Variants in CCN4 observed in about 807,000 individuals in gnomAD.
CCN4 encodes the protein CCN family member 4.
Under a neutral mutation model 36.7 loss-of-function variants are expected in CCN4, and 30 were observed. The observed-to-expected ratio is 0.82, with a 90% CI of 0.61 to 1.11. CCN4 has a LOEUF of 1.11. Ranked by LOEUF, CCN4 falls within the 50% of genes least tolerant of loss-of-function variation. CCN4 has a pLI of 0.00. For missense variants in CCN4, 505 were observed against 504.9 expected, an observed-to-expected ratio of 1.00 and a Z score of 0.00; for synonymous variants, 191 against 195.4, an observed-to-expected ratio of 0.98 and a Z score of 0.19.
At chr8:133,211,702 G>C (rs531713822) in intron 1 of CCN4, among the ~76,000 whole-genome samples, 1 of 152,290 alleles carries the variant, frequency 6.6e-6, no homozygotes, top group Non-Finnish European at 1.5e-5. Flanking sequence ...CAGAAGCCCT[G>C]GATTCTCCTC....
chr8:133,208,765 C>A (rs1257718334), intron 1 of CCN4, among the ~76,000 whole-genome samples: 1 of 152,138 alleles, frequency 6.6e-6, no homozygotes, highest in African/African-American at 2.4e-5. Flanking sequence ...CCCTCTTCAG[C>A]CCCAGCACAC....
rs1225041945 is a variant in CCN4 at position 133,220,594 on chromosome 8, G to A, written c.363G>A (p.Val121=). The change falls in exon 3 of 5, where the codon GTG becomes GTA. Residue 121 remains valine, a synonymous_variant. Transcript: ENST00000250160. The part of the protein sequence containing the change: ...AIGVCAQVVG[V]GCVLDGVRYN... ...CTGTGTTTGCAGAGGTGGTCGGTGT[G>A]GGCTGCGTCCTGGATGGGGTGCGCT... is the stretch of plus-strand genomic sequence containing the variant. The A allele has an allele frequency of 6.2e-7, 1 of 1,613,550 alleles. No individual in the cohort carries two copies. Among genetic ancestry groups the A allele is most frequent in the East Asian group, 2.2e-5 (1 of 44,862 alleles).
intron 1 of CCN4, among the ~76,000 whole-genome samples, chr8:133,207,862 C>T (rs543288509): frequency 3.5e-4 from 53 of 152,182 alleles, no homozygotes; most frequent in Non-Finnish European, 6.6e-4. Context: ...ACCCTATCAA[C>T]AGATGCTTAT....
At chr8:133,225,785 G>T (rs1206447044) in intron 4 of CCN4, among the ~76,000 whole-genome samples, 2 of 152,122 alleles carry the variant, frequency 1.3e-5, no homozygotes, top group Non-Finnish European at 2.9e-5. Flanking sequence ...GGAAGCTTTG[G>T]TAGGTATCAT....
chr8:133,210,386 G>GT (rs1853965663), intron 1 of CCN4, among the ~76,000 whole-genome samples: 1 of 145,588 alleles, frequency 6.9e-6, no homozygotes, highest in African/African-American at 2.6e-5. Flanking sequence ...CAAAAAGAGG[G>GT]GTGTGTGTGT....
chr8:133,197,747 T>C (rs1853440487), intron 1 of CCN4, among the ~76,000 whole-genome samples: 1 of 151,870 alleles, frequency 6.6e-6, no homozygotes, highest in Non-Finnish European at 1.5e-5. Context: ...TAAGTCTTGA[T>C]TAGGGGTAGG....
At chr8:133,220,962 C>A in intron 3 of CCN4, 121 bp downstream of exon 3, 1 of 1,347,696 alleles carries the variant, frequency 7.4e-7, no homozygotes, top group South Asian at 1.5e-5. Context: ...GCTTTGTGAC[C>A]TTGAGAAAGT....
At chr8:133,222,356 A>G (rs115861463) in intron 3 of CCN4, among the ~76,000 whole-genome samples, 1 of 152,302 alleles carries the variant, frequency 6.6e-6, no homozygotes, top group African/African-American at 2.4e-5. Context: ...ATCAAATACA[A>G]GAGAAGGAGC....
At chr8:133,214,425 G>GC (rs1854238756) in intron 2 of CCN4, among the ~76,000 whole-genome samples, 2 of 272 alleles carry the variant, frequency 7.4e-3, no homozygotes, top group South Asian at 0.2. Flanking sequence ...TCCTTATGAT[G>GC]CTTTTGTTTT....
intron 2 of CCN4, 48 bp downstream of exon 2, chr8:133,213,191 C>T (rs13258091): frequency 1.9e-6 from 3 of 1,560,734 alleles, no homozygotes; most frequent in Non-Finnish European, 1.7e-6. Context: ...GCACCCCCAG[C>T]TCTGGCCCCA....
In CCN4 at chr8:133,213,249, C is replaced by A. The variant is rs139620659; in HGVS notation, c.349+106C>A. ...CACAGCCTTTCACCTGGCCAGGCTTCCGTTCAGCAGGAGATACACCCCATG... is the reference window on the plus strand; with the variant it reads ...CACAGCCTTTCACCTGGCCAGGCTTACGTTCAGCAGGAGATACACCCCATG... On this transcript the variant is annotated intron_variant, in intron 2 of 4. Coordinates refer to ENST00000250160, the MANE Select transcript of CCN4 (RefSeq NM_003882.4). The A allele has an allele frequency of 2.5e-4, 340 of 1,382,602 alleles. 6 individuals carry two copies. The East Asian group carries it at 7.9e-3, about 32-fold the overall frequency. The allele number at this position is 1,382,602 out of a possible 1,614,324, so 85.6% of individuals were successfully genotyped here.
intron 1 of CCN4, among the ~76,000 whole-genome samples, chr8:133,203,572 A>G (rs755297155): frequency 1.3e-5 from 2 of 152,168 alleles, no homozygotes; most frequent in Non-Finnish European, 2.9e-5. Flanking sequence ...CTGCTGGAGG[A>G]TGTTGACATC....
At position 133,227,680 on chromosome 8, in the gene CCN4, C is replaced by T; in HGVS notation, c.1074C>T (p.Ser358=). 1 of 1,613,358 alleles carries T rather than the reference C, an allele frequency of 6.2e-7. No homozygotes were observed. The highest frequency in any genetic ancestry group is 8.5e-7 in the Non-Finnish European group (1 of 1,179,382). ...NPNDIFADLE[S]YPDFSEIAN ...ATGACATCTTTGCTGACTTGGAATC[C>T]TACCCTGACTTCTCAGAAATTGCCA... Residue 358 remains serine, a synonymous_variant, in exon 5 of 5, where the codon TCC becomes TCT. Coordinates refer to ENST00000250160, the MANE Select transcript of CCN4 (RefSeq NM_003882.4).
At chr8:133,202,895 G>T (rs775507174) in intron 1 of CCN4, among the ~76,000 whole-genome samples, 3 of 152,240 alleles carry the variant, frequency 2.0e-5, no homozygotes, top group Non-Finnish European at 2.9e-5. Context: ...CACCCGATGC[G>T]CTTTGAAACA....
At chr8:133,217,859 G>A (rs757365658) in intron 2 of CCN4, among the ~76,000 whole-genome samples, 26 of 151,334 alleles carry the variant, frequency 1.7e-4, no homozygotes, top group Non-Finnish European at 2.9e-4. Context: ...TGGGGACTCC[G>A]GGCATCTAGC....
chr8:133,193,195 G>A (rs1213198556), intron 1 of CCN4, among the ~76,000 whole-genome samples: 2 of 152,208 alleles, frequency 1.3e-5, no homozygotes, highest in Non-Finnish European at 2.9e-5. Context: ...ATATGCAAAG[G>A]GAGCACATGT....
chr8:133,200,505 C>T (rs565548203), intron 1 of CCN4, among the ~76,000 whole-genome samples: 7 of 152,308 alleles, frequency 4.6e-5, no homozygotes, highest in East Asian at 1.9e-4. Context: ...CCATAGCCAC[C>T]GCCAAGCCCA....
In CCN4 at chr8:133,229,133, T is replaced by A. The variant is rs1431927534; in HGVS notation, c.*1423T>A. 6.6e-6 allele frequency: 1 copy of A among 152,206 alleles called. No homozygotes were observed. The highest frequency in any genetic ancestry group is 6.5e-5 in the Admixed American group (1 of 15,274). 9.4% of individuals were successfully genotyped at this position (152,206 alleles called of 1,614,324 possible). On this transcript the variant is annotated 3_prime_UTR_variant, in exon 5 of 5. Coordinates refer to ENST00000250160, the MANE Select transcript of CCN4 (RefSeq NM_003882.4). ...AATGTTGAGAAGTTCCCATTATTAT[T>A]TCTGTTCTTACAAATGTGAAACGGA...
At chr8:133,194,684 GGT>G (rs1256809934) in intron 1 of CCN4, among the ~76,000 whole-genome samples, 2 of 87,788 alleles carry the variant, frequency 2.3e-5, no homozygotes, top group Non-Finnish European at 4.6e-5. Flanking sequence ...GTGTGTGTGT[GGT>G]GTGTGTGTGG....
Sources: allele counts gnomAD v4.1 joint callset (sites outside exome capture counted in the v4.1 genomes callset), GRCh38; gene constraint gnomAD v4.1.1; transcripts MANE v1.5; gene names NCBI Gene and HGNC (gene_info 2026-07-23, HGNC 2026-07-21).